The following TMEM272 variants were observed in gnomAD, a reference collection of about 807,000 sequenced individuals.
TMEM272 encodes the protein transmembrane protein 272.
In TMEM272, 8 loss-of-function variants were observed where a neutral mutation model predicts 3.7. That is an observed-to-expected ratio of 2.17 (90% CI 1.27 to 3.91). The LOEUF (loss-of-function observed/expected upper bound fraction) is 3.91. Ranked by LOEUF, TMEM272 falls within the 30% of genes most tolerant of loss-of-function variation. The pLI, the probability that TMEM272 is intolerant of heterozygous loss-of-function variation, is 0.00. For missense variants in TMEM272, 166 were observed against 91.5 expected, an observed-to-expected ratio of 1.81 and a Z score of -3.32; for synonymous variants, 63 against 39.8, an observed-to-expected ratio of 1.58 and a Z score of -2.20.
At chr13:51,864,142 CTTCT>C in the TMEM272 span, among the ~76,000 whole-genome samples, 1 of 141,854 alleles carries the variant, frequency 7.0e-6, no homozygotes, top group African/African-American at 2.6e-5. Flanking sequence ...TTTTCTTTTC[CTTCT>C]TTCTTCCTCC....
intron 4 of TMEM272, among the ~76,000 whole-genome samples, chr13:51,818,303 GAGAC>G (rs1331709138): frequency 5.9e-5 from 9 of 152,230 alleles, no homozygotes; most frequent in Non-Finnish European, 5.9e-5. Context: ...AAAATAAAGA[GAGAC>G]AGAGAGATGG....
upstream of TMEM272, among the ~76,000 whole-genome samples, chr13:51,847,472 G>A (rs981443285): frequency 4.6e-5 from 7 of 152,164 alleles, no homozygotes; most frequent in Admixed American, 1.3e-4. Flanking sequence ...ACTGGTCTCC[G>A]GTGCCAAAAA....
chr13:51,831,135 C>T (rs1347803459), intron 2 of TMEM272, among the ~76,000 whole-genome samples: 1 of 152,196 alleles, frequency 6.6e-6, no homozygotes, highest in Admixed American at 6.5e-5. Context: ...TTAAAAGCAA[C>T]TTCCACCCTG....
chr13:51,865,458 G>C, the TMEM272 span: 2 of 1,614,120 alleles, frequency 1.2e-6, no homozygotes, highest in Non-Finnish European at 1.7e-6. Flanking sequence ...GCCTGCTTCC[G>C]GTCCCTGGCG....
At chr13:51,885,335 G>A in the TMEM272 span, among the ~76,000 whole-genome samples, 5 of 152,126 alleles carry the variant, frequency 3.3e-5, no homozygotes, top group Admixed American at 6.5e-5. Context: ...TCACAGTTCC[G>A]CATGGCTGGG....
At chr13:51,859,853 T>C in the TMEM272 span, among the ~76,000 whole-genome samples, 570 of 152,050 alleles carry the variant, frequency 3.7e-3, 5 homozygotes, top group Non-Finnish European at 6.0e-3. Context: ...AACAGAGTTA[T>C]ATATAAAGGG....
chr13:51,862,617 G>A, the TMEM272 span, among the ~76,000 whole-genome samples: 18 of 152,196 alleles, frequency 1.2e-4, no homozygotes, highest in African/African-American at 3.9e-4. Flanking sequence ...GGAAGATGAG[G>A]TGTTTCTAGT....
chr13:51,919,744 G>A, the TMEM272 span, among the ~76,000 whole-genome samples: 1 of 152,226 alleles, frequency 6.6e-6, no homozygotes, highest in Non-Finnish European at 1.5e-5. Flanking sequence ...ATGGTGACCT[G>A]CCTTTGCAGG....
the TMEM272 span, chr13:51,909,429 A>C: frequency 2.0e-5 from 17 of 867,732 alleles, no homozygotes; most frequent in Non-Finnish European, 2.9e-5. Context: ...CTCTACTATT[A>C]ATTTCCTGTA....
chr13:51,905,945 G>A, the TMEM272 span, among the ~76,000 whole-genome samples: 25,757 of 152,174 alleles, frequency 0.17, 2,365 homozygotes, highest in Middle Eastern at 0.26. Flanking sequence ...ACACCTAGAC[G>A]CAGAACAAAT....
At position 51,836,643 on chromosome 13, in the gene TMEM272, G is replaced by C. The variant is rs191279835; in HGVS notation, c.58+1830C>G. Among the ~76,000 whole-genome samples, 16 of 152,272 alleles carry C rather than the reference G, an allele frequency of 1.1e-4. No homozygotes were observed. In the East Asian group the frequency reaches 2.7e-3, roughly 26 times the overall value. On this transcript the variant is annotated intron_variant, in intron 2 of 4. Coordinates refer to ENST00000629372, the MANE Select transcript of TMEM272 (RefSeq NM_001351003.2). ...GTGTGGCCCACTTTCTCCACTGTATGATTACTATTTTATTCCTCCCTTGCA... is the reference window on the plus strand; with the variant it reads ...GTGTGGCCCACTTTCTCCACTGTATCATTACTATTTTATTCCTCCCTTGCA...
chr13:51,894,291 G>C, the TMEM272 span, among the ~76,000 whole-genome samples: 1 of 152,210 alleles, frequency 6.6e-6, no homozygotes, highest in Non-Finnish European at 1.5e-5. Flanking sequence ...CACACCTCAT[G>C]TGTTGGGCCT....
chr13:51,886,532 G>C, the TMEM272 span, among the ~76,000 whole-genome samples: 2 of 152,306 alleles, frequency 1.3e-5, no homozygotes, highest in African/African-American at 2.4e-5. Context: ...TTGAAACCAG[G>C]CAGTCTATCT....
At chr13:51,903,720 A>G in the TMEM272 span, among the ~76,000 whole-genome samples, 2 of 152,206 alleles carry the variant, frequency 1.3e-5, no homozygotes, top group African/African-American at 4.8e-5. Flanking sequence ...GGCAACCGAA[A>G]AATGAAAAAG....
the TMEM272 span, among the ~76,000 whole-genome samples, chr13:51,897,160 T>C: frequency 7.9e-5 from 12 of 152,326 alleles, no homozygotes; most frequent in Non-Finnish European, 1.2e-4. Context: ...CCCAAATCTT[T>C]TGAAAGGCTG....
chr13:51,834,303 A>G (rs1956197139), intron 2 of TMEM272, among the ~76,000 whole-genome samples: 1 of 152,136 alleles, frequency 6.6e-6, no homozygotes, highest in African/African-American at 2.4e-5. Flanking sequence ...AAGGGTGTGT[A>G]GAGGAAATAA....
the TMEM272 span, among the ~76,000 whole-genome samples, chr13:51,916,191 T>G: frequency 1.3e-5 from 2 of 152,210 alleles, no homozygotes; most frequent in Non-Finnish European, 2.9e-5. Flanking sequence ...TAACTAACTT[T>G]GCAAAACTTG....
the TMEM272 span, among the ~76,000 whole-genome samples, chr13:51,928,681 A>G: frequency 1.3e-5 from 2 of 152,142 alleles, no homozygotes; most frequent in African/African-American, 4.8e-5. Flanking sequence ...AGAGGTCTGG[A>G]GCAGTTTGTA....
At chr13:51,865,994 A>G in the TMEM272 span, 556,514 of 1,613,152 alleles carry the variant, frequency 0.34, 98,004 homozygotes, top group Admixed American at 0.49. Flanking sequence ...CAATGGCCAC[A>G]TTGCCGGAGA....
Sources: gnomAD v4.1 joint callset for allele counts (sites outside exome capture counted in the v4.1 genomes callset) on GRCh38, gnomAD v4.1.1 for gene constraint, MANE v1.5 for transcripts, NCBI Gene and HGNC (gene_info 2026-07-23, HGNC 2026-07-21) for gene names.